Variants in TYW1B observed in about 807,000 individuals in gnomAD.
The protein encoded by TYW1B is tRNA-yW synthesizing protein 1 homolog B.
TYW1B carries 73 observed loss-of-function variants against 86.9 expected under a neutral mutation model. The observed-to-expected ratio is 0.84, with a 90% CI of 0.70 to 1.02. The LOEUF (loss-of-function observed/expected upper bound fraction) is 1.02, where lower values mean the gene tolerates loss of function less well. Ranked by LOEUF, TYW1B falls within the 50% of genes least tolerant of loss-of-function variation. TYW1B has a pLI of 0.00. For synonymous variants in TYW1B, 248 were observed against 292.8 expected (o/e 0.85, Z 1.56); for missense variants, 637 against 827.4 (o/e 0.77, Z 2.82).
At chr7:72,682,596 T>C (rs1813902309) in intron 11 of TYW1B, among the ~76,000 whole-genome samples, 1 of 152,212 alleles carries the variant, frequency 6.6e-6, no homozygotes, top group African/African-American at 2.4e-5. Flanking sequence ...CCTTCTAGTT[T>C]CCAATGCAGC....
chr7:72,653,959 A>G (rs376700297), intron 11 of TYW1B, among the ~76,000 whole-genome samples: 16 of 151,876 alleles, frequency 1.1e-4, no homozygotes, highest in African/African-American at 3.9e-4. Context: ...GCACACCTGC[A>G]ATCTCAGCTA....
intron 7 of TYW1B, among the ~76,000 whole-genome samples, chr7:72,757,115 C>A (rs782580194): frequency 5.9e-5 from 9 of 152,010 alleles, no homozygotes; most frequent in Non-Finnish European, 1.3e-4. Flanking sequence ...TGCCTGTAAT[C>A]CTAGCACTTT....
At chr7:72,596,742 G>A (rs532552600) in intron 13 of TYW1B, among the ~76,000 whole-genome samples, 1 of 152,182 alleles carries the variant, frequency 6.6e-6, no homozygotes, top group Admixed American at 6.5e-5. Context: ...TGGGTATGGA[G>A]AATAGGCAAG....
At chr7:72,790,950 T>C (rs1486700977) in intron 6 of TYW1B, among the ~76,000 whole-genome samples, 4 of 152,074 alleles carry the variant, frequency 2.6e-5, no homozygotes, top group African/African-American at 9.7e-5. Context: ...CCTCACTTTA[T>C]GGGTCACACT....
At position 72,585,541 on chromosome 7, in the gene TYW1B, T is replaced by A. The variant is rs562950840; in HGVS notation, c.1786-9822A>T. ...GTCTCCACCCAAATCTCATCTTGAA[T>A]TATAGTTCCCACAATTCCCATGTGT... is the stretch of plus-strand genomic sequence containing the variant. On this transcript the variant is annotated intron_variant, in intron 13 of 13. Transcript: ENST00000620995. Among the ~76,000 whole-genome samples the A allele has an allele frequency of 1.8e-4, 28 of 152,292 alleles. 1 individual carries two copies. The highest frequency in any genetic ancestry group is 1.7e-3 in the Admixed American group (26 of 15,290).
chr7:72,594,341 T>TA lies in TYW1B; in HGVS notation c.1786-18623dup, dbSNP rs58495459. On this transcript the variant is annotated intron_variant, in intron 13 of 13. Coordinates refer to ENST00000620995, the MANE Select transcript of TYW1B (RefSeq NM_001145440.3). ...AATGATTTTGCTACCAATTCTGCAT[T>TA]AAAAAAAAAAAAAACTGTAAGAGTG... Among the ~76,000 whole-genome samples, 1,093 of 140,676 alleles carry TA rather than the reference T, an allele frequency of 7.8e-3. 17 individuals carry two copies. Among genetic ancestry groups the TA allele is most frequent in the African/African-American group, 0.02 (750 of 38,236 alleles). 92.3% of individuals were successfully genotyped at this position (140,676 alleles called of 152,430 possible).
intron 6 of TYW1B, among the ~76,000 whole-genome samples, chr7:72,780,267 G>A (rs1158365187): frequency 6.6e-6 from 1 of 152,060 alleles, no homozygotes; most frequent in African/African-American, 2.4e-5. Flanking sequence ...TAAAAGCAAA[G>A]GTGTGAGCTT....
At chr7:72,681,144 GC>G (rs1813864486) in intron 11 of TYW1B, among the ~76,000 whole-genome samples, 1 of 152,282 alleles carries the variant, frequency 6.6e-6, no homozygotes, top group African/African-American at 2.4e-5. Flanking sequence ...AACCTTGGTA[GC>G]CTTGTTTCAG....
chr7:72,611,342 CA>C (rs1336110487), intron 13 of TYW1B, among the ~76,000 whole-genome samples: 2 of 152,090 alleles, frequency 1.3e-5, no homozygotes, highest in East Asian at 1.9e-4. Flanking sequence ...TGTCCCCACC[CA>C]AATCTCACCT....
At chr7:72,598,934 G>A (rs1554433168) in intron 13 of TYW1B, among the ~76,000 whole-genome samples, 1 of 152,152 alleles carries the variant, frequency 6.6e-6, no homozygotes, top group Non-Finnish European at 1.5e-5. Context: ...TCCTAGGTGG[G>A]TTCACTGGTG....
intron 12 of TYW1B, among the ~76,000 whole-genome samples, chr7:72,620,548 G>T (rs556984712): frequency 6.6e-6 from 1 of 152,126 alleles, no homozygotes; most frequent in African/African-American, 2.4e-5. Context: ...TAGACTGGGG[G>T]TCACCTCAGG....
chr7:72,763,002 T>C (rs1380746357), intron 7 of TYW1B, among the ~76,000 whole-genome samples: 1 of 152,064 alleles, frequency 6.6e-6, no homozygotes, highest in Non-Finnish European at 1.5e-5. Context: ...TAATATAGTA[T>C]ACACTCATGA....
chr7:72,696,706 A>C (rs1814328353), intron 10 of TYW1B, among the ~76,000 whole-genome samples: 1 of 152,122 alleles, frequency 6.6e-6, no homozygotes, highest in South Asian at 2.1e-4. Flanking sequence ...GATGCTTGCA[A>C]TGATGTGGCT....
chr7:72,817,861 C>G (rs1295717213), intron 2 of TYW1B, among the ~76,000 whole-genome samples: 1 of 152,072 alleles, frequency 6.6e-6, no homozygotes, highest in African/African-American at 2.4e-5. Context: ...AGAATTGGCT[C>G]ATGGCCAATC....
chr7:72,771,116 G>C (rs13236021), intron 7 of TYW1B, among the ~76,000 whole-genome samples: 103,793 of 151,314 alleles, frequency 0.69, 36,502 homozygotes, highest in Non-Finnish European at 0.77. Flanking sequence ...ACGCCCACCA[G>C]GACACCTGGC....
At chr7:72,683,272 A>G (rs1813921977) in intron 11 of TYW1B, among the ~76,000 whole-genome samples, 1 of 152,180 alleles carries the variant, frequency 6.6e-6, no homozygotes, top group Non-Finnish European at 1.5e-5. Context: ...CAGCCTCACT[A>G]AAAGACTGAG....
intron 13 of TYW1B, among the ~76,000 whole-genome samples, chr7:72,601,817 C>T (rs1461058363): frequency 1.4e-5 from 2 of 147,004 alleles, no homozygotes; most frequent in African/African-American, 5.0e-5. Flanking sequence ...ATAGTATATA[C>T]TTCCCATTAT....
chr7:72,774,192 T>A (rs548478959), intron 7 of TYW1B, among the ~76,000 whole-genome samples: 31 of 152,108 alleles, frequency 2.0e-4, no homozygotes, highest in African/African-American at 7.0e-4. Flanking sequence ...GAATTGTACC[T>A]GTTTCTGCCA....
intron 1 of TYW1B, among the ~76,000 whole-genome samples, chr7:72,827,631 A>C (rs537703997): frequency 6.6e-6 from 1 of 152,196 alleles, no homozygotes; most frequent in Non-Finnish European, 1.5e-5. Flanking sequence ...AAAAAAGCTT[A>C]AGTAGTAAAA....
Sources: allele counts gnomAD v4.1 joint callset (sites outside exome capture counted in the v4.1 genomes callset), GRCh38; gene constraint gnomAD v4.1.1; transcripts MANE v1.5; gene names NCBI Gene and HGNC (gene_info 2026-07-23, HGNC 2026-07-21).